The following TMEM40 variants were observed in gnomAD, a reference collection of about 807,000 sequenced individuals.
TMEM40 encodes transmembrane protein 40.
Under a neutral mutation model 40.8 loss-of-function variants are expected in TMEM40, and 34 were observed. The observed-to-expected ratio is 0.83, with a 90% CI of 0.63 to 1.11. The LOEUF is 1.11. Ranked by LOEUF, TMEM40 falls within the 50% of genes least tolerant of loss-of-function variation. The probability of loss-of-function intolerance (pLI) is 0.00; values close to 1 mark genes in which losing one functional copy is unlikely to be tolerated. For synonymous variants in TMEM40, 106 were observed against 107.0 expected, an observed-to-expected ratio of 0.99 and a Z score of 0.06; for missense variants, 296 against 280.2, an observed-to-expected ratio of 1.06 and a Z score of -0.40.
intron 1 of TMEM40, among the ~76,000 whole-genome samples, chr3:12,750,612 A>G (rs928594843): frequency 4.0e-5 from 6 of 151,796 alleles, no homozygotes; most frequent in African/African-American, 1.2e-4. Flanking sequence ...TGATTCATTT[A>G]TTTTTTACTT....
At chr3:12,754,168 C>T (rs111802935) in intron 1 of TMEM40, among the ~76,000 whole-genome samples, 10,685 of 152,048 alleles carry the variant, frequency 0.07, 450 homozygotes, top group Non-Finnish European at 0.1. Flanking sequence ...AAAAATTAGC[C>T]GGGCATGGTG....
chr3:12,752,473 C>T (rs1262642829), intron 1 of TMEM40, among the ~76,000 whole-genome samples: 2 of 152,112 alleles, frequency 1.3e-5, no homozygotes, highest in African/African-American at 4.8e-5. Context: ...TTTTATAGGT[C>T]AGAATATTGG....
intron 1 of TMEM40, among the ~76,000 whole-genome samples, chr3:12,752,979 G>C (rs1273097040): frequency 6.6e-6 from 1 of 152,086 alleles, no homozygotes; most frequent in Non-Finnish European, 1.5e-5. Context: ...AGTCATCAGA[G>C]TGCTATGCAA....
intron 3 of TMEM40, among the ~76,000 whole-genome samples, chr3:12,744,527 T>C (rs1477512504): frequency 3.3e-5 from 5 of 152,228 alleles, no homozygotes; most frequent in Non-Finnish European, 1.5e-5. Context: ...TGTCTGTGCT[T>C]GACTCAGTGG....
intron 7 of TMEM40, 98 bp from the exon 8 acceptor site, chr3:12,737,852 A>T (rs1427445914): frequency 1.6e-6 from 2 of 1,284,496 alleles, no homozygotes; most frequent in Admixed American, 3.4e-5. Flanking sequence ...TCCTGGGTAT[A>T]TCTTCCTGGG....
At chr3:12,749,866 T>G in intron 1 of TMEM40, 26 bp from the exon 2 acceptor site, 1 of 1,595,214 alleles carries the variant, frequency 6.3e-7, no homozygotes, top group Non-Finnish European at 8.6e-7. Context: ...TAATCAGTAG[T>G]TAATATCACC....
intron 1 of TMEM40, among the ~76,000 whole-genome samples, chr3:12,754,129 G>A (rs1575742607): frequency 6.6e-6 from 1 of 152,138 alleles, no homozygotes; most frequent in Non-Finnish European, 1.5e-5. Flanking sequence ...TGGCTAACAC[G>A]GTGAAACCCC....
At chr3:12,768,731 C>T (rs1430326901) in intron 1 of TMEM40, among the ~76,000 whole-genome samples, 2 of 152,128 alleles carry the variant, frequency 1.3e-5, no homozygotes, top group African/African-American at 2.4e-5. Flanking sequence ...CTGGCTTCAC[C>T]CAGTGGATCC....
chr3:12,744,041 G>A (rs760206536), intron 3 of TMEM40, 52 bp from the exon 4 acceptor site: 2 of 1,553,848 alleles, frequency 1.3e-6, no homozygotes, highest in South Asian at 2.3e-5. Context: ...GAACAAGCTG[G>A]GAATGCGTTC....
chr3:12,753,110 G>A (rs968548386), intron 1 of TMEM40, among the ~76,000 whole-genome samples: 10 of 152,158 alleles, frequency 6.6e-5, no homozygotes, highest in Admixed American at 2.6e-4. Flanking sequence ...AACCATCACC[G>A]GGGGAAGACC....
intron 5 of TMEM40, 34 bp from the exon 6 acceptor site, chr3:12,738,622 A>T (rs758885348): frequency 1.4e-5 from 22 of 1,608,884 alleles, no homozygotes; most frequent in Non-Finnish European, 1.7e-5. Context: ...TCATATACCC[A>T]TGATCCTCTG....
At chr3:12,764,791 G>A (rs1201656821) in intron 1 of TMEM40, among the ~76,000 whole-genome samples, 1 of 152,088 alleles carries the variant, frequency 6.6e-6, no homozygotes, top group Non-Finnish European at 1.5e-5. Context: ...TAAAAGGCAA[G>A]GACTAAAGTT....
intron 1 of TMEM40, among the ~76,000 whole-genome samples, chr3:12,766,513 T>G (rs940153321): frequency 6.6e-6 from 1 of 150,436 alleles, no homozygotes; most frequent in Admixed American, 6.7e-5. Flanking sequence ...GAGAATGGCA[T>G]GAACCCAGGA....
At chr3:12,760,468 G>T (rs1388543238), upstream of TMEM40, among the ~76,000 whole-genome samples, 2 of 152,030 alleles carry the variant, frequency 1.3e-5, no homozygotes, top group African/African-American at 4.8e-5. Context: ...CCTCCTCAGG[G>T]CCTTTGCCCT....
chr3:12,759,444 A>C (rs948259908), upstream of TMEM40: 2 of 152,510 alleles, frequency 1.3e-5, no homozygotes, highest in Non-Finnish European at 2.9e-5. Flanking sequence ...GGGCAGCTAC[A>C]TGCCTGGTCC....
chr3:12,742,400 C>T, intron 5 of TMEM40, 54 bp downstream of exon 5: 1 of 1,591,986 alleles, frequency 6.3e-7, no homozygotes, highest in South Asian at 1.1e-5. Flanking sequence ...CCCAGCAAAG[C>T]CCTCTTTTCC....
chr3:12,761,605 CA>C (rs34133777), upstream of TMEM40, among the ~76,000 whole-genome samples: 3 of 145,778 alleles, frequency 2.1e-5, no homozygotes, highest in Non-Finnish European at 4.5e-5. Context: ...GATCTCATCT[CA>C]AAAAAAAAAG....
At chr3:12,746,505 G>T (rs556155681) in intron 3 of TMEM40, among the ~76,000 whole-genome samples, 1 of 152,290 alleles carries the variant, frequency 6.6e-6, no homozygotes, top group East Asian at 1.9e-4. Flanking sequence ...ATTAAAACAG[G>T]TATGTGGGAG....
chr3:12,759,955 C>T (rs2061557403), upstream of TMEM40, among the ~76,000 whole-genome samples: 1 of 130,254 alleles, frequency 7.7e-6, no homozygotes, highest in African/African-American at 3.0e-5. Context: ...ACCACGGGAG[C>T]CCCCAGCCTT....
Sources: allele counts gnomAD v4.1 joint callset (sites outside exome capture counted in the v4.1 genomes callset), GRCh38; gene constraint gnomAD v4.1.1; transcripts MANE v1.5; gene names NCBI Gene and HGNC (gene_info 2026-07-23, HGNC 2026-07-21).